Variants in HTR2C observed in about 807,000 individuals in gnomAD.
HTR2C encodes the protein 5-hydroxytryptamine (serotonin) receptor 2C, G protein-coupled.
Under a neutral mutation model 21.0 loss-of-function variants are expected in HTR2C, and 5 were observed. That is an observed-to-expected ratio of 0.24 (90% CI 0.12 to 0.50). The LOEUF (loss-of-function observed/expected upper bound fraction) is 0.50. Ranked by LOEUF, HTR2C falls within the 20% of genes least tolerant of loss-of-function variation. The pLI is 0.98. For synonymous variants in HTR2C, 150 were observed against 145.3 expected, an observed-to-expected ratio of 1.03 and a Z score of -0.23; for missense variants, 271 against 371.2, an observed-to-expected ratio of 0.73 and a Z score of 2.22.
At chrX:114,795,924 A>G (rs1484000489) in intron 4 of HTR2C, among the ~76,000 whole-genome samples, 3 of 111,846 alleles carry the variant, frequency 2.7e-5, no homozygotes, top group Admixed American at 9.6e-5. Context: ...TGTTGTGCTG[A>G]CAGAGAGCTG....
At chrX:114,661,652 T>C (rs782510059) in intron 2 of HTR2C, among the ~76,000 whole-genome samples, 23 of 110,291 alleles carry the variant, frequency 2.1e-4, no homozygotes, top group Non-Finnish European at 3.8e-4. Flanking sequence ...ATTACAGCCC[T>C]GAGCCACCGT....
chrX:114,685,616 G>A (rs1931887853), intron 2 of HTR2C, among the ~76,000 whole-genome samples: 1 of 111,924 alleles, frequency 8.9e-6, no homozygotes, highest in South Asian at 3.7e-4. Flanking sequence ...TCAATCTCTG[G>A]ATTGCCTAAG....
chrX:114,890,857 G>A, intron 5 of HTR2C, among the ~76,000 whole-genome samples: 1 of 111,677 alleles, frequency 9.0e-6, no homozygotes, highest in East Asian at 2.8e-4. Flanking sequence ...TCATCTTTAT[G>A]AAAATGTGGG....
chrX:114,745,591 T>C (rs1319024277), intron 4 of HTR2C, among the ~76,000 whole-genome samples: 1 of 112,103 alleles, frequency 8.9e-6, no homozygotes, highest in Non-Finnish European at 1.9e-5. Context: ...GAAAAGGTAG[T>C]ACTTGTACAC....
At chrX:114,809,318 C>T (rs1334096113) in intron 4 of HTR2C, among the ~76,000 whole-genome samples, 1 of 109,590 alleles carries the variant, frequency 9.1e-6, no homozygotes, top group African/African-American at 3.3e-5. Flanking sequence ...CTACCCCTAG[C>T]AATCACTCAA....
chrX:114,744,046 G>A (rs1246541956), intron 4 of HTR2C, among the ~76,000 whole-genome samples: 1 of 111,170 alleles, frequency 9.0e-6, no homozygotes. Flanking sequence ...CAGATGAAAA[G>A]GGTTATTAAA....
At chrX:114,821,123 A>G (rs1234582540) in intron 4 of HTR2C, among the ~76,000 whole-genome samples, 1 of 111,536 alleles carries the variant, frequency 9.0e-6, no homozygotes, top group Non-Finnish European at 1.9e-5. Context: ...GGGGGCATCC[A>G]TAGTCAAACA....
intron 1 of HTR2C, among the ~76,000 whole-genome samples, chrX:114,592,346 T>C (rs1927668101): frequency 8.9e-6 from 1 of 112,437 alleles, no homozygotes; most frequent in Admixed American, 9.4e-5. Flanking sequence ...TTTGAATTTT[T>C]ACCATAGATT....
chrX:114,857,186 C>T (rs1354209776), intron 5 of HTR2C, among the ~76,000 whole-genome samples: 1 of 110,485 alleles, frequency 9.1e-6, no homozygotes, highest in African/African-American at 3.3e-5. Flanking sequence ...CTGCTTTATC[C>T]CCGTTCTTCC....
chrX:114,759,120 C>T (rs1364508648), intron 4 of HTR2C, among the ~76,000 whole-genome samples: 1 of 112,012 alleles, frequency 8.9e-6, no homozygotes, highest in Non-Finnish European at 1.9e-5. Context: ...CAAATCAGCT[C>T]ACAGCTTCCT....
At chrX:114,640,861 G>C (rs1026341515) in intron 2 of HTR2C, among the ~76,000 whole-genome samples, 2 of 108,782 alleles carry the variant, frequency 1.8e-5, no homozygotes, top group Non-Finnish European at 3.8e-5. Context: ...TCCTTGTTTC[G>C]TTCTCTTTCT....
intron 2 of HTR2C, among the ~76,000 whole-genome samples, chrX:114,692,872 T>G (rs1932150017): frequency 9.0e-6 from 1 of 111,636 alleles, no homozygotes; most frequent in African/African-American, 3.2e-5. Context: ...ATTCAACAAG[T>G]ATTTCTTGAG....
chrX:114,586,985 C>G (rs1556389874), intron 1 of HTR2C, among the ~76,000 whole-genome samples: 3 of 110,516 alleles, frequency 2.7e-5, no homozygotes. Flanking sequence ...TTGGGAAGAG[C>G]AATAAAAGTA....
In HTR2C at chrX:114,881,249, T is replaced by C. The variant is rs143036048; in HGVS notation, c.551-25340T>C. Among the ~76,000 whole-genome samples, 1,070 of 111,246 alleles carry C rather than the reference T, an allele frequency of 9.6e-3. 15 individuals carry two copies. The highest frequency in any genetic ancestry group is 0.033 in the African/African-American group (1,007 of 30,817). On this transcript the variant is annotated intron_variant, in intron 5 of 5. Transcript: ENST00000276198. ...GAATTGTCAGGATTGTAACAAATAT[T>C]CTGGATGAAAGACACATAATGATTT... is the stretch of plus-strand genomic sequence containing the variant.
rs1231951313 is a variant in HTR2C at position 114,602,296 on chromosome X, GT to G, written c.-146-11510del. On this transcript the variant is annotated intron_variant, in intron 1 of 5. Transcript: ENST00000276198. ...AGACAGAAGATAGTAGGGATGACAA[GT>G]TTTTTTTTGGGGGGGCACAGTCTAA... is the stretch of plus-strand genomic sequence containing the variant. 1.7e-4 allele frequency among the ~76,000 whole-genome samples: 4 copies of G among 23,850 alleles called. 1 individual carries two copies. In the Admixed American group the frequency reaches 1.7e-3, roughly 10 times the overall value. The allele number at this position is 23,850 out of a possible 115,157, so 20.7% of individuals were successfully genotyped here.
chrX:114,607,155 T>C (rs1928494249), intron 1 of HTR2C, among the ~76,000 whole-genome samples: 1 of 111,690 alleles, frequency 9.0e-6, no homozygotes. Context: ...ACTTCTTTTG[T>C]GATTCTTCAG....
chrX:114,826,782 G>T (rs1456434019), intron 4 of HTR2C, among the ~76,000 whole-genome samples: 7 of 110,307 alleles, frequency 6.3e-5, no homozygotes, highest in Admixed American at 3.9e-4. Flanking sequence ...TCCTTGAATT[G>T]GTGTGTTTAT....
chrX:114,834,234 G>A (rs2070758099), intron 4 of HTR2C, among the ~76,000 whole-genome samples: 1 of 110,368 alleles, frequency 9.1e-6, no homozygotes, highest in Admixed American at 9.7e-5. Flanking sequence ...ATGCAAGGCT[G>A]AGTTCAATTC....
chrX:114,806,762 TACAC>T (rs1237387896), intron 4 of HTR2C, among the ~76,000 whole-genome samples: 1 of 80,883 alleles, frequency 1.2e-5, no homozygotes, highest in Non-Finnish European at 2.3e-5. Flanking sequence ...ACCATATATA[TACAC>T]ACCATATATA....
Sources: allele counts gnomAD v4.1 joint callset (sites outside exome capture counted in the v4.1 genomes callset), GRCh38; gene constraint gnomAD v4.1.1; transcripts MANE v1.5; gene names NCBI Gene and HGNC (gene_info 2026-07-23, HGNC 2026-07-21).